The following EPS8 variants were observed in gnomAD, a reference collection of about 807,000 sequenced individuals.
EPS8 encodes the protein EGFR pathway substrate 8, signaling adaptor, also known as epidermal growth factor receptor kinase substrate 8.
EPS8 carries 42 observed loss-of-function variants against 103.8 expected under a neutral mutation model. That is an observed-to-expected ratio of 0.40 (90% CI 0.32 to 0.52). EPS8 has a LOEUF of 0.52. Ranked by LOEUF, EPS8 falls within the 20% of genes least tolerant of loss-of-function variation. The pLI is 0.40. For synonymous variants in EPS8, 344 were observed against 344.6 expected (o/e 1.00, Z 0.02); for missense variants, 969 against 1,005.1 (o/e 0.96, Z 0.49).
chr12:15,764,855 A>T lies in EPS8; in HGVS notation c.-22+24306T>A, dbSNP rs887503687. 9.2e-5 allele frequency among the ~76,000 whole-genome samples: 14 copies of T among 152,292 alleles called. No homozygotes were observed. Among genetic ancestry groups the T allele is most frequent in the Non-Finnish European group, 1.8e-4 (12 of 68,012 alleles). ...GAAGATCTAATACAAGTAATTCAATAAAAAAACAAGTAGTATCTACAACCA... is the reference window on the plus strand; with the variant it reads ...GAAGATCTAATACAAGTAATTCAATTAAAAAACAAGTAGTATCTACAACCA... On this transcript the variant is annotated intron_variant, in intron 1 of 20. Coordinates refer to ENST00000281172, the MANE Select transcript of EPS8 (RefSeq NM_004447.6). This position sits in a 1 kb window ranked among gnomAD's most constrained non-coding sequence, Gnocchi z 4.1.
rs538400520 is a variant in EPS8 at position 15,659,706 on chromosome 12, C to T, written c.937+908G>A. 3.3e-4 allele frequency among the ~76,000 whole-genome samples: 50 copies of T among 152,260 alleles called. 1 individual carries two copies. The highest frequency in any genetic ancestry group is 5.0e-4 in the Non-Finnish European group (34 of 68,012). On this transcript the variant is annotated intron_variant, in intron 10 of 20. Transcript: ENST00000281172. Reference sequence around the variant, plus strand: ...CTGTAATGAAAGGGATATTTATTTACTATTTTATATCTTTCAATCTCTACC... The same window carrying T: ...CTGTAATGAAAGGGATATTTATTTATTATTTTATATCTTTCAATCTCTACC...
intron 3 of EPS8, among the ~76,000 whole-genome samples, chr12:15,676,802 T>C (rs1251990560): frequency 6.6e-6 from 1 of 152,204 alleles, no homozygotes; most frequent in African/African-American, 2.4e-5. Flanking sequence ...ACAATAATGA[T>C]GCAGAGTCTT....
At chr12:15,641,861 C>G (rs1208418467) in intron 15 of EPS8, 31 bp from the exon 16 acceptor site, 2 of 1,206,328 alleles carry the variant, frequency 1.7e-6, no homozygotes, top group Non-Finnish European at 2.4e-6. Flanking sequence ...GATTATTATT[C>G]TGCTAGCTCT....
At chr12:15,694,439 A>T (rs1382875695) in intron 1 of EPS8, among the ~76,000 whole-genome samples, 1 of 152,256 alleles carries the variant, frequency 6.6e-6, no homozygotes, top group African/African-American at 2.4e-5. Flanking sequence ...ACCCCAGTTA[A>T]ATCAGACATT....
chr12:15,665,874 G>A lies in EPS8; in HGVS notation c.618C>T (p.Asp206=). Residue 206 remains aspartate, a synonymous_variant, in exon 8 of 21, where the codon GAC becomes GAT. Transcript: ENST00000281172. ...PDALRMISNA[D]PSIPPPPRAP... ...CTCTGGGTGGAGGCGGTATACTAGG[G>A]TCTGCATTGGAAATCATCCTTAAAA... The A allele has an allele frequency of 6.2e-7, 1 of 1,613,862 alleles. No homozygotes were observed. Among genetic ancestry groups the A allele is most frequent in the East Asian group, 2.2e-5 (1 of 44,860 alleles).
At chr12:15,686,812 C>T (rs1333481550) in intron 1 of EPS8, among the ~76,000 whole-genome samples, 1 of 152,102 alleles carries the variant, frequency 6.6e-6, no homozygotes, top group Non-Finnish European at 1.5e-5. Flanking sequence ...TAGAAAACTA[C>T]TTACCCAATC....
intron 1 of EPS8, among the ~76,000 whole-genome samples, chr12:15,768,659 T>C (rs996564679): frequency 6.6e-6 from 1 of 151,924 alleles, no homozygotes; most frequent in African/African-American, 2.4e-5. Flanking sequence ...AGCAAAATAA[T>C]CTCCCTCCAA....
chr12:15,757,397 G>A lies in EPS8; in HGVS notation c.-22+31764C>T, dbSNP rs1252881572. Among the ~76,000 whole-genome samples, 1 of 152,172 alleles carries A rather than the reference G, an allele frequency of 6.6e-6. No homozygotes were observed. The stretch of plus-strand genomic sequence containing the variant: ...TGGAATCCCAGAACTTTGGGAGGCT[G>A]AGGTGGGCAGATCACAAAGTCAGGA... On this transcript the variant is annotated intron_variant, in intron 1 of 20. Transcript: ENST00000281172. The surrounding 1 kb of genome is among the most constrained non-coding windows in gnomAD (Gnocchi z 4.1).
chr12:15,736,962 T>C lies in EPS8; in HGVS notation c.-22+52199A>G, dbSNP rs1427346924. ...TAAAATCTTCATATTTAAAGTAACA[T>C]ACTTTAATTCATGTAGCTAGACAGC... On this transcript the variant is annotated intron_variant, in intron 1 of 20. Coordinates refer to ENST00000281172, the MANE Select transcript of EPS8 (RefSeq NM_004447.6). This position sits in a 1 kb window ranked among gnomAD's most constrained non-coding sequence, Gnocchi z 4.2. 6.6e-6 allele frequency among the ~76,000 whole-genome samples: 1 copy of C among 152,208 alleles called. No individual in the cohort carries two copies. Among genetic ancestry groups the C allele is most frequent in the Non-Finnish European group, 1.5e-5 (1 of 68,010 alleles).
chr12:15,663,976 T>C (rs11056591), intron 8 of EPS8, among the ~76,000 whole-genome samples: 31,012 of 104,246 alleles, frequency 0.3, 5,308 homozygotes, highest in East Asian at 0.5. Flanking sequence ...TATATATATA[T>C]ACACACACAC....
chr12:15,756,262 G>A (rs1020529296), intron 1 of EPS8, among the ~76,000 whole-genome samples: 7 of 152,016 alleles, frequency 4.6e-5, no homozygotes, highest in African/African-American at 1.4e-4. Flanking sequence ...TAGACAACAG[G>A]GTTCTACCAG....
chr12:15,628,752 A>G (rs959245677), intron 18 of EPS8, among the ~76,000 whole-genome samples: 4 of 152,184 alleles, frequency 2.6e-5, no homozygotes, highest in Non-Finnish European at 4.4e-5. Flanking sequence ...ATAGATTTCT[A>G]TGAGTATTTA....
rs889815703 is a variant in EPS8, at chr12:15,770,940, C to T, written c.-22+18221G>A. 3.3e-5 allele frequency among the ~76,000 whole-genome samples: 5 copies of T among 152,182 alleles called. No individual in the cohort carries two copies. The South Asian group carries it at 6.2e-4, about 19-fold the overall frequency. On this transcript the variant is annotated intron_variant, in intron 1 of 20. Transcript: ENST00000281172. ...GAGCGTCTATCACACAAAAGCACCA[C>T]TCCAGGCTTTAAGGCCTGTCCAAAA...
intron 18 of EPS8, among the ~76,000 whole-genome samples, 157 bp downstream of exon 18, chr12:15,631,285 G>A (rs112187202): frequency 3.3e-5 from 5 of 152,300 alleles, no homozygotes; most frequent in South Asian, 2.1e-4. Flanking sequence ...TCAGAACTAC[G>A]TAGCTGATGA....
At chr12:15,628,140 T>C (rs979292838) in intron 18 of EPS8, among the ~76,000 whole-genome samples, 21 of 151,840 alleles carry the variant, frequency 1.4e-4, no homozygotes, top group African/African-American at 3.4e-4. Context: ...TAAGAGAGAA[T>C]ACTATTGATT....
In EPS8 at chr12:15,735,063, C is replaced by T. The variant is rs1321972154; in HGVS notation, c.-21-52091G>A. Among the ~76,000 whole-genome samples the T allele has an allele frequency of 6.6e-6, 1 of 152,180 alleles. No homozygotes were observed. The highest frequency in any genetic ancestry group is 2.4e-5 in the African/African-American group (1 of 41,440). On this transcript the variant is annotated intron_variant, in intron 1 of 20. Transcript: ENST00000281172. The surrounding 1 kb of genome is among the most constrained non-coding windows in gnomAD (Gnocchi z 4.4). The stretch of plus-strand genomic sequence containing the variant: ...CCTCACCACGACTTCACACTAACAG[C>T]ATTTCATGGATAACTGTAGTATTCC...
intron 1 of EPS8, among the ~76,000 whole-genome samples, chr12:15,741,722 A>G (rs1446420204): frequency 6.6e-6 from 1 of 152,112 alleles, no homozygotes; most frequent in East Asian, 1.9e-4. Context: ...AGTAACATTA[A>G]GTCTTTTTTT....
chr12:15,640,806 G>T lies in EPS8; in HGVS notation c.1718C>A (p.Ala573Glu). The T allele has an allele frequency of 6.2e-7, 1 of 1,613,748 alleles. No individual in the cohort carries two copies. The highest frequency in any genetic ancestry group is 8.5e-7 in the Non-Finnish European group (1 of 1,179,780). ...TGGCACAAATCCAGAGTCTCCACTT[G>T]CATTTCGAACTTTCCACCATTGCTT... ...DRKQWWKVRN[A>E]SGDSGFVPNN... is the part of the protein sequence containing the mutation. The change falls in exon 17 of 21, where the codon GCA (alanine) becomes GAA (glutamate). Residue 573 changes from alanine to glutamate, a missense_variant. Ala to Glu is a moderately radical substitution (Grantham distance 107). Coordinates refer to ENST00000281172, the MANE Select transcript of EPS8 (RefSeq NM_004447.6).
chr12:15,734,731 CAA>C lies in EPS8; in HGVS notation c.-21-51761_-21-51760del, dbSNP rs567307132. ...GTCTCAAAAACAAAAAACAAACAAA[CAA>C]AAAAAAACAAAAAAGATTCTCTGCA... On this transcript the variant is annotated intron_variant, in intron 1 of 20. Transcript: ENST00000281172. This position sits in a 1 kb window ranked among gnomAD's most constrained non-coding sequence, Gnocchi z 4.1. Among the ~76,000 whole-genome samples the C allele has an allele frequency of 2.0e-5, 3 of 150,154 alleles. No individual in the cohort carries two copies. Among genetic ancestry groups the C allele is most frequent in the African/African-American group, 7.3e-5 (3 of 40,876 alleles).
Sources: allele counts gnomAD v4.1 joint callset (sites outside exome capture counted in the v4.1 genomes callset), GRCh38; gene constraint gnomAD v4.1.1; non-coding constraint Gnocchi (gnomAD v3.1); transcripts MANE v1.5; gene names NCBI Gene and HGNC (gene_info 2026-07-23, HGNC 2026-07-21).